PIBF1: variants seen among roughly 807,000 people sequenced by gnomAD.
PIBF1 encodes progesterone-induced-blocking factor 1.
Under a neutral mutation model 112.5 loss-of-function variants are expected in PIBF1, and 90 were observed. The ratio of observed to expected loss-of-function variants is 0.80; its 90% CI spans 0.67 to 0.95. PIBF1 has a LOEUF of 0.95. PIBF1 is among the 40% of genes least tolerant of loss of function. The pLI, the probability that PIBF1 is intolerant of heterozygous loss-of-function variation, is 0.00. For synonymous variants in PIBF1, 301 were observed against 288.6 expected (o/e 1.04, Z -0.44); for missense variants, 915 against 852.3 (o/e 1.07, Z -0.92).
At chr13:73,002,758 C>T (rs941128519) in intron 17 of PIBF1, among the ~76,000 whole-genome samples, 11 of 151,994 alleles carry the variant, frequency 7.2e-5, no homozygotes, top group Admixed American at 7.2e-4. Flanking sequence ...CCGAGGCAGA[C>T]GGATCACCTG....
At chr13:72,927,876 C>A (rs1052606572) in intron 13 of PIBF1, among the ~76,000 whole-genome samples, 2 of 146,708 alleles carry the variant, frequency 1.4e-5, no homozygotes, top group Admixed American at 1.4e-4. Flanking sequence ...TGTGTTTGTA[C>A]TACATTAGTG....
intron 10 of PIBF1, among the ~76,000 whole-genome samples, chr13:72,861,631 C>G (rs1056252463): frequency 6.6e-6 from 1 of 152,088 alleles, no homozygotes; most frequent in African/African-American, 2.4e-5. Flanking sequence ...GTGGCATGAT[C>G]TCGGCTCACT....
chr13:72,843,562 C>T (rs1472726874), intron 9 of PIBF1, among the ~76,000 whole-genome samples: 1 of 152,218 alleles, frequency 6.6e-6, no homozygotes, highest in East Asian at 1.9e-4. Context: ...TAGGCATGTG[C>T]CACTATGCCC....
At chr13:72,962,666 TG>T (rs1344215895) in intron 14 of PIBF1, among the ~76,000 whole-genome samples, 1 of 151,880 alleles carries the variant, frequency 6.6e-6, no homozygotes, top group Admixed American at 6.6e-5. Flanking sequence ...CCCATATTCA[TG>T]GATTAGAAGA....
intron 14 of PIBF1, among the ~76,000 whole-genome samples, chr13:72,945,411 A>G (rs764995457): frequency 4.6e-5 from 7 of 152,176 alleles, no homozygotes; most frequent in Non-Finnish European, 1.0e-4. Context: ...CCCAGTAATG[A>G]GATTGCTAGG....
chr13:72,989,614 T>C (rs2043407232), intron 16 of PIBF1, among the ~76,000 whole-genome samples: 1 of 152,184 alleles, frequency 6.6e-6, no homozygotes, highest in African/African-American at 2.4e-5. Flanking sequence ...AGGGTATAGT[T>C]AAAGCAATCA....
chr13:72,805,067 G>A (rs999372567), intron 5 of PIBF1, among the ~76,000 whole-genome samples: 30 of 152,070 alleles, frequency 2.0e-4, no homozygotes, highest in South Asian at 4.2e-4. Context: ...TTTGCCTCCC[G>A]GGTTCAAGCG....
At position 72,797,970 on chromosome 13, in the gene PIBF1, A is replaced by G. The variant is rs1309941844; in HGVS notation, c.616A>G (p.Asn206Asp). 4 of 1,611,014 alleles carry G rather than the reference A, an allele frequency of 2.5e-6. No homozygotes were observed. The highest frequency in any genetic ancestry group is 3.4e-6 in the Non-Finnish European group (4 of 1,178,680). Residue 206 changes from asparagine to aspartate, a missense_variant, in exon 5 of 18, where the codon AAT (asparagine) becomes GAT (aspartate). Coordinates refer to ENST00000326291, the MANE Select transcript of PIBF1 (RefSeq NM_006346.4). ...KEICELQVKK[N>D]ILAEELSTNK... is the part of the protein sequence containing the mutation. ...AATCTGTGAACTACAAGTGAAAAAG[A>G]ATATCCTAGCAGAAGAATTAAGTAC...
chr13:72,886,616 GTTTA>G (rs1277244052), intron 10 of PIBF1, among the ~76,000 whole-genome samples: 2 of 151,780 alleles, frequency 1.3e-5, no homozygotes, highest in East Asian at 3.9e-4. Flanking sequence ...ACTACATGTT[GTTTA>G]TTTTATTAAT....
intron 10 of PIBF1, among the ~76,000 whole-genome samples, chr13:72,873,333 T>C (rs1278422334): frequency 6.6e-6 from 1 of 152,180 alleles, no homozygotes; most frequent in Non-Finnish European, 1.5e-5. Context: ...GGGAAAACCT[T>C]AGAAACCTTG....
At chr13:72,971,933 C>T (rs2042901389) in intron 15 of PIBF1, among the ~76,000 whole-genome samples, 1 of 138,694 alleles carries the variant, frequency 7.2e-6, no homozygotes, top group African/African-American at 2.8e-5. Context: ...CTGCAGATTG[C>T]CTACTACTGT....
chr13:72,904,584 G>A (rs189980127), intron 11 of PIBF1, among the ~76,000 whole-genome samples: 1 of 150,982 alleles, frequency 6.6e-6, no homozygotes, highest in African/African-American at 2.4e-5. Context: ...GAGACTACAG[G>A]CGCACGCTAC....
rs964367515 is a variant in PIBF1, at chr13:72,893,833, C to T, written c.1372C>T (p.His458Tyr). 2 of 1,603,742 alleles carry T rather than the reference C, an allele frequency of 1.2e-6. No individual in the cohort carries two copies. The highest frequency in any genetic ancestry group is 1.7e-5 in the Admixed American group (1 of 58,812). Residue 458 changes from histidine (H) to tyrosine (Y), a missense_variant, in exon 11 of 18, where the codon CAT becomes TAT. Physicochemically the swap from His to Tyr is moderately conservative, Grantham distance 83. Transcript: ENST00000326291. ...AGAAAGCAAAGTAACAGAATTTCTC[C>T]ATCAAAGTAAATTAAAATCTTTTGA... ...STESKVTEFL[H>Y]QSKLKSFESE... is the part of the protein sequence containing the mutation.
At chr13:72,978,926 G>A (rs934834690) in intron 16 of PIBF1, among the ~76,000 whole-genome samples, 2 of 152,108 alleles carry the variant, frequency 1.3e-5, no homozygotes, top group African/African-American at 4.8e-5. Flanking sequence ...CCGATGCAGT[G>A]GTTCACACTT....
chr13:72,829,826 G>A (rs2037012120), intron 8 of PIBF1, among the ~76,000 whole-genome samples: 1 of 152,170 alleles, frequency 6.6e-6, no homozygotes, highest in Non-Finnish European at 1.5e-5. Context: ...AAGGTCAGTG[G>A]TAGCTTGATG....
chr13:72,870,425 C>T (rs1248546858), intron 10 of PIBF1, among the ~76,000 whole-genome samples: 3 of 152,098 alleles, frequency 2.0e-5, no homozygotes, highest in Non-Finnish European at 2.9e-5. Context: ...AAAATATGTA[C>T]GTGTGCTCAG....
At position 72,965,360 on chromosome 13, in the gene PIBF1, T is replaced by C. The variant is rs1454690877; in HGVS notation, c.1920T>C (p.Ile640=). ...IESVRQRDSK[I]DSLTESIAQL... Reference sequence around the variant, plus strand: ...CAGTGCGTCAGAGAGATTCTAAGATTGATTCACTGACGGAATCTATTGCAC... The same window carrying C: ...CAGTGCGTCAGAGAGATTCTAAGATCGATTCACTGACGGAATCTATTGCAC... The change falls in exon 15 of 18, where the codon ATT becomes ATC. Residue 640 remains isoleucine (I), a synonymous_variant. Transcript: ENST00000326291. The C allele has an allele frequency of 6.2e-7, 1 of 1,610,422 alleles. No homozygotes were observed. Among genetic ancestry groups the C allele is most frequent in the Non-Finnish European group, 8.5e-7 (1 of 1,177,544 alleles).
chr13:72,900,687 A>T (rs1043157961), intron 11 of PIBF1, among the ~76,000 whole-genome samples: 3 of 152,222 alleles, frequency 2.0e-5, no homozygotes, highest in Non-Finnish European at 4.4e-5. Flanking sequence ...GCATTGGCTT[A>T]GGCAAGGATT....
chr13:72,862,242 C>T (rs2038725799), intron 10 of PIBF1, among the ~76,000 whole-genome samples: 1 of 152,136 alleles, frequency 6.6e-6, no homozygotes, highest in Non-Finnish European at 1.5e-5. Flanking sequence ...AGTGAAGTTA[C>T]AGAACATGAA....
Sources: allele counts gnomAD v4.1 joint callset (sites outside exome capture counted in the v4.1 genomes callset), GRCh38; gene constraint gnomAD v4.1.1; transcripts MANE v1.5; gene names NCBI Gene and HGNC (gene_info 2026-07-23, HGNC 2026-07-21).